TRAPPC9: variants seen among roughly 807,000 people sequenced by gnomAD.
TRAPPC9 encodes IKK2 binding protein.
Under a neutral mutation model 124.0 loss-of-function variants are expected in TRAPPC9, and 83 were observed. That is an observed-to-expected ratio of 0.67 (90% CI 0.56 to 0.80). TRAPPC9 has a LOEUF of 0.80. Among genes scored for constraint, TRAPPC9 ranks in the 30% least tolerant of loss-of-function variants. The probability of loss-of-function intolerance (pLI) is 0.00; values close to 1 mark genes in which losing one functional copy is unlikely to be tolerated. For missense variants in TRAPPC9, 1,302 were observed against 1,508.3 expected, an observed-to-expected ratio of 0.86 and a Z score of 2.27; for synonymous variants, 638 against 617.5, an observed-to-expected ratio of 1.03 and a Z score of -0.49.
intron 17 of TRAPPC9, among the ~76,000 whole-genome samples, chr8:140,030,412 G>A (rs1233777348): frequency 1.3e-5 from 2 of 152,138 alleles, no homozygotes; most frequent in Non-Finnish European, 2.9e-5. Flanking sequence ...AATTGCTGGT[G>A]GCACTATAAA....
chr8:140,364,980 C>G (rs958493591), intron 8 of TRAPPC9, among the ~76,000 whole-genome samples: 1 of 150,656 alleles, frequency 6.6e-6, no homozygotes, highest in Non-Finnish European at 1.5e-5. Context: ...CCCTCATCTG[C>G]AACCAAAGGC....
chr8:139,906,635 T>C (rs894124724), intron 20 of TRAPPC9, among the ~76,000 whole-genome samples: 2 of 152,188 alleles, frequency 1.3e-5, no homozygotes, highest in African/African-American at 4.8e-5. Flanking sequence ...CCCGCAAGTC[T>C]GAACCCTGCA....
Position 140,084,593 on chromosome 8 carries a change from C to T in TRAPPC9, c.2557-60514G>A, listed in dbSNP as rs1386822865. Among the ~76,000 whole-genome samples, 8 of 152,202 alleles carry T rather than the reference C, an allele frequency of 5.3e-5. No homozygotes were observed. The East Asian group carries it at 9.6e-4, about 18-fold the overall frequency. ...TGTATCACTTCCCCAGTGCTAATGT[C>T]GCCTTCTGAGTTCTTCTGCCCAAGA... On this transcript the variant is annotated intron_variant, in intron 17 of 22. Transcript: ENST00000438773.
intron 17 of TRAPPC9, among the ~76,000 whole-genome samples, chr8:140,047,389 T>C (rs1377467672): frequency 6.6e-6 from 1 of 152,152 alleles, no homozygotes; most frequent in African/African-American, 2.4e-5. Context: ...GCGAAGGGTA[T>C]GGAAGTCGTT....
intron 17 of TRAPPC9, among the ~76,000 whole-genome samples, chr8:140,106,882 T>C (rs1265006767): frequency 6.6e-6 from 1 of 152,152 alleles, no homozygotes; most frequent in African/African-American, 2.4e-5. Context: ...GATCTTTACA[T>C]CCCTGGCAAT....
intron 5 of TRAPPC9, among the ~76,000 whole-genome samples, chr8:140,422,528 C>A (rs113601870): frequency 5.9e-5 from 9 of 151,854 alleles, no homozygotes; most frequent in African/African-American, 2.2e-4. Context: ...CCGAGGTGGG[C>A]GGATCACCTG....
chr8:140,324,792 A>G (rs2066695265), intron 9 of TRAPPC9, among the ~76,000 whole-genome samples: 1 of 152,208 alleles, frequency 6.6e-6, no homozygotes, highest in African/African-American at 2.4e-5. Context: ...GTGAAATTTA[A>G]AAACTTTTTA....
chr8:140,088,819 A>G (rs1328016629), intron 17 of TRAPPC9, among the ~76,000 whole-genome samples: 1 of 152,176 alleles, frequency 6.6e-6, no homozygotes, highest in Non-Finnish European at 1.5e-5. Flanking sequence ...CTGATATGCT[A>G]ACGTAAAATT....
intron 17 of TRAPPC9, among the ~76,000 whole-genome samples, chr8:140,081,213 C>G (rs1057175889): frequency 6.6e-6 from 1 of 152,248 alleles, no homozygotes; most frequent in African/African-American, 2.4e-5. Flanking sequence ...TCCACTACCA[C>G]ATCTCAGGCT....
intron 17 of TRAPPC9, among the ~76,000 whole-genome samples, chr8:140,050,749 C>T (rs1441800741): frequency 6.6e-6 from 1 of 152,122 alleles, no homozygotes; most frequent in African/African-American, 2.4e-5. Context: ...AATGAGTCAC[C>T]AGCCTGGGGT....
intron 21 of TRAPPC9, among the ~76,000 whole-genome samples, chr8:139,786,937 C>T (rs1822294854): frequency 6.6e-6 from 1 of 152,096 alleles, no homozygotes; most frequent in Non-Finnish European, 1.5e-5. Context: ...GAGATGAACG[C>T]ACTCCGTCCA....
intron 17 of TRAPPC9, among the ~76,000 whole-genome samples, chr8:140,183,528 G>A (rs935690494): frequency 3.9e-5 from 6 of 152,160 alleles, no homozygotes; most frequent in Non-Finnish European, 7.3e-5. Context: ...ACATTAGCTA[G>A]TAAACAGTCC....
At chr8:140,271,615 T>A (rs2064884916) in intron 15 of TRAPPC9, among the ~76,000 whole-genome samples, 1 of 152,160 alleles carries the variant, frequency 6.6e-6, no homozygotes, top group African/African-American at 2.4e-5. Flanking sequence ...AAAGAGGATA[T>A]ACGAGTGGCC....
chr8:140,059,200 T>C (rs1388974457), intron 17 of TRAPPC9, among the ~76,000 whole-genome samples: 1 of 152,202 alleles, frequency 6.6e-6, no homozygotes, highest in Non-Finnish European at 1.5e-5. Flanking sequence ...CTAGAATTCA[T>C]ATAAATGGAA....
chr8:139,887,110 C>A (rs1272003301), intron 20 of TRAPPC9, among the ~76,000 whole-genome samples: 1 of 152,102 alleles, frequency 6.6e-6, no homozygotes, highest in African/African-American at 2.4e-5. Context: ...CCCAAGAGAG[C>A]CCGCCGGTCA....
At chr8:140,208,065 G>A (rs564498826) in intron 17 of TRAPPC9, among the ~76,000 whole-genome samples, 5 of 151,614 alleles carry the variant, frequency 3.3e-5, no homozygotes, top group South Asian at 2.1e-4. Flanking sequence ...CAGGAGAATC[G>A]CTTGAACCCA....
intron 19 of TRAPPC9, among the ~76,000 whole-genome samples, chr8:139,953,961 C>T (rs1352376919): frequency 6.6e-6 from 1 of 152,198 alleles, no homozygotes. Context: ...TAGAGAACCA[C>T]TGATACACTG....
intron 17 of TRAPPC9, among the ~76,000 whole-genome samples, chr8:140,053,845 T>G (rs1842142161): frequency 6.6e-6 from 1 of 152,246 alleles, no homozygotes; most frequent in South Asian, 2.1e-4. Flanking sequence ...TTCATGTTTA[T>G]TTTGTCTATC....
chr8:139,760,772 C>T (rs568864930), intron 21 of TRAPPC9, among the ~76,000 whole-genome samples: 22 of 152,306 alleles, frequency 1.4e-4, no homozygotes, highest in Middle Eastern at 6.8e-3. Flanking sequence ...AGAGAAACCC[C>T]CATTTTTAAA....
Sources: gnomAD v4.1 joint callset for allele counts (sites outside exome capture counted in the v4.1 genomes callset) on GRCh38, gnomAD v4.1.1 for gene constraint, MANE v1.5 for transcripts, NCBI Gene and HGNC (gene_info 2026-07-23, HGNC 2026-07-21) for gene names.